THSD7A: variants seen among roughly 807,000 people sequenced by gnomAD.
THSD7A encodes thrombospondin type-1 domain-containing protein 7A.
THSD7A carries 96 observed loss-of-function variants against 231.3 expected under a neutral mutation model. The ratio of observed to expected loss-of-function variants is 0.41; its 90% confidence interval spans 0.35 to 0.49. THSD7A has a LOEUF of 0.49. THSD7A is among the 20% of genes least tolerant of loss of function. The probability of loss-of-function intolerance (pLI) is 0.05; values close to 1 mark genes in which losing one functional copy is unlikely to be tolerated. For synonymous variants in THSD7A, 940 were observed against 743.3 expected, an observed-to-expected ratio of 1.26 and a Z score of -4.30; for missense variants, 2,290 against 2,070.2, an observed-to-expected ratio of 1.11 and a Z score of -2.06.
intron 1 of THSD7A, chr7:11,751,407 T>TG (rs1323801567): frequency 2.0e-5 from 3 of 151,940 alleles, no homozygotes; most frequent in African/African-American, 7.2e-5. Flanking sequence ...TGGAATGAAG[T>TG]GGGGGGAGGA....
intron 15 of THSD7A, among the ~76,000 whole-genome samples, chr7:11,426,124 T>C (rs987310338): frequency 2.6e-5 from 4 of 151,286 alleles, no homozygotes; most frequent in African/African-American, 9.7e-5. Context: ...TTGCCATAAG[T>C]GATTATATTC....
At chr7:11,648,281 C>A (rs577835184) in intron 1 of THSD7A, among the ~76,000 whole-genome samples, 9 of 151,948 alleles carry the variant, frequency 5.9e-5, no homozygotes, top group Non-Finnish European at 1.0e-4. Context: ...TTGCAAGTAG[C>A]GCCAAAATAT....
rs1784699124 is a variant in THSD7A at position 11,438,405 on chromosome 7, A to G, written c.3064+7656T>C. Reference sequence around the variant, plus strand: ...GTGCTATAGTGCAAACTGGTATGAAAGCAAATTTTTAAAGAGAAACTTTGG... The same window carrying G: ...GTGCTATAGTGCAAACTGGTATGAAGGCAAATTTTTAAAGAGAAACTTTGG... On this transcript the variant is annotated intron_variant, in intron 13 of 27. Transcript: ENST00000423059. 2.6e-5 allele frequency among the ~76,000 whole-genome samples: 4 copies of G among 152,006 alleles called. 1 individual carries two copies. Among genetic ancestry groups the G allele is most frequent in the Admixed American group, 2.6e-4 (4 of 15,208 alleles).
At chr7:11,773,704 T>C (rs1017697867) in intron 1 of THSD7A, among the ~76,000 whole-genome samples, 2 of 151,434 alleles carry the variant, frequency 1.3e-5, no homozygotes, top group African/African-American at 4.9e-5. Context: ...ATTTGTGGGG[T>C]ACATTTTTTT....
intron 1 of THSD7A, among the ~76,000 whole-genome samples, chr7:11,717,513 A>C (rs1222998167): frequency 2.6e-5 from 4 of 151,618 alleles, no homozygotes; most frequent in African/African-American, 9.7e-5. Flanking sequence ...GGAGTGGCAC[A>C]GTGCCAGAAA....
intron 4 of THSD7A, among the ~76,000 whole-genome samples, chr7:11,581,537 G>C (rs897265811): frequency 2.7e-5 from 4 of 148,924 alleles, no homozygotes; most frequent in African/African-American, 9.8e-5. Flanking sequence ...AGATAGGTTT[G>C]AAATACTCAT....
At chr7:11,522,981 GATT>G (rs1389724590) in intron 6 of THSD7A, among the ~76,000 whole-genome samples, 2 of 152,088 alleles carry the variant, frequency 1.3e-5, no homozygotes, top group Admixed American at 6.6e-5. Context: ...GAACCAAAAT[GATT>G]ATTATGGTAA....
intron 6 of THSD7A, among the ~76,000 whole-genome samples, chr7:11,506,689 C>G (rs1787557656): frequency 6.6e-6 from 1 of 152,128 alleles, no homozygotes; most frequent in Admixed American, 6.5e-5. Context: ...TTCAATGTTC[C>G]TGGAACACTT....
chr7:11,674,292 G>T (rs1783544638), intron 1 of THSD7A, among the ~76,000 whole-genome samples: 1 of 152,088 alleles, frequency 6.6e-6, no homozygotes, highest in Non-Finnish European at 1.5e-5. Context: ...TCATGGTTAG[G>T]CAGCAGCTCT....
chr7:11,447,502 T>A, intron 11 of THSD7A, 78 bp from the exon 12 acceptor site: 4 of 1,272,682 alleles, frequency 3.1e-6, no homozygotes, highest in Non-Finnish European at 4.2e-6. Flanking sequence ...ACCTAACATT[T>A]GGTTAAGCAG....
chr7:11,395,551 A>G (rs908621231), intron 23 of THSD7A, among the ~76,000 whole-genome samples: 2 of 149,756 alleles, frequency 1.3e-5, no homozygotes, highest in African/African-American at 4.9e-5. Context: ...TTTTTGAGAC[A>G]GAATCTTGCT....
chr7:11,765,056 C>CTTTTTTTTTT (rs1325721663), intron 1 of THSD7A, among the ~76,000 whole-genome samples: 1 of 151,746 alleles, frequency 6.6e-6, no homozygotes, highest in Non-Finnish European at 1.5e-5. Flanking sequence ...ATGTATAAAT[C>CTTTTTTTTTT]TTTTTATTAA....
In THSD7A at chr7:11,474,602, C is replaced by T. The variant is rs375245782; in HGVS notation, c.2018-34G>A. On this transcript the variant is annotated intron_variant, in intron 7 of 27. Transcript: ENST00000423059. This position sits in a 1 kb window ranked among gnomAD's most constrained non-coding sequence, Gnocchi z 4.1. ...ATGGACAATGATAGCAAATTAGATA[C>T]GGTGCCAACAGGAACCTTACCATAC... 128 of 1,533,768 alleles carry T rather than the reference C, an allele frequency of 8.3e-5. No individual in the cohort carries two copies. Among genetic ancestry groups the T allele is most frequent in the East Asian group, 3.0e-4 (13 of 43,528 alleles).
intron 13 of THSD7A, among the ~76,000 whole-genome samples, chr7:11,437,128 A>G (rs1361803475): frequency 1.3e-5 from 2 of 152,110 alleles, no homozygotes; most frequent in Non-Finnish European, 2.9e-5. Flanking sequence ...TATGTTTGAC[A>G]GCCTGGCCTG....
At position 11,831,630 on chromosome 7, in the gene THSD7A, CT is replaced by C. The variant is rs1229300260; in HGVS notation, c.190+126del. 1.4e-5 allele frequency: 8 copies of C among 572,512 alleles called. No homozygotes were observed. The highest frequency in any genetic ancestry group is 1.8e-5 in the Non-Finnish European group (7 of 392,002). The allele number at this position is 572,512 out of a possible 1,614,324, so 35.5% of individuals were successfully genotyped here. On this transcript the variant is annotated intron_variant, in intron 1 of 27. Transcript: ENST00000423059. This position sits in a 1 kb window ranked among gnomAD's most constrained non-coding sequence, Gnocchi z 5.0. ...CCTATTTGCTTCCTAAGAAATCATA[CT>C]TTTTACCTTAGGATACCAGCATAAC...
At chr7:11,529,268 ATATT>A (rs1283967910) in intron 6 of THSD7A, among the ~76,000 whole-genome samples, 2 of 152,136 alleles carry the variant, frequency 1.3e-5, no homozygotes, top group African/African-American at 4.8e-5. Flanking sequence ...ATTTTATTAT[ATATT>A]TATTTTCTGT....
At chr7:11,666,510 T>C (rs1783139161) in intron 1 of THSD7A, among the ~76,000 whole-genome samples, 1 of 152,066 alleles carries the variant, frequency 6.6e-6, no homozygotes, top group African/African-American at 2.4e-5. Flanking sequence ...TAACTTGTTG[T>C]TAACTTATGC....
chr7:11,510,192 T>C (rs1345374189), intron 6 of THSD7A, among the ~76,000 whole-genome samples: 4 of 152,198 alleles, frequency 2.6e-5, no homozygotes, highest in African/African-American at 7.2e-5. Flanking sequence ...TTTAAATTCC[T>C]GGACACAAAC....
intron 16 of THSD7A, among the ~76,000 whole-genome samples, chr7:11,419,726 A>T (rs1026361820): frequency 3.3e-5 from 5 of 152,190 alleles, no homozygotes; most frequent in African/African-American, 9.7e-5. Context: ...AACGTTTGGA[A>T]CTTCCTAAAG....
Sources: gnomAD v4.1 joint callset for allele counts (sites outside exome capture counted in the v4.1 genomes callset) on GRCh38, gnomAD v4.1.1 for gene constraint, Gnocchi (gnomAD v3.1) non-coding constraint, MANE v1.5 for transcripts, NCBI Gene and HGNC (gene_info 2026-07-23, HGNC 2026-07-21) for gene names.